The following DNAH9 variants were observed in gnomAD, a reference collection of about 807,000 sequenced individuals.
DNAH9 encodes DNAH9 variant protein.
In DNAH9, 345 loss-of-function variants were observed where a neutral mutation model predicts 471.6. That is an observed-to-expected ratio of 0.73 (90% CI 0.67 to 0.80). The LOEUF (loss-of-function observed/expected upper bound fraction) is 0.80, where lower values mean the gene tolerates loss of function less well. DNAH9 is among the 30% of genes least tolerant of loss of function. DNAH9 has a pLI of 0.00. For missense variants in DNAH9, 5,407 were observed against 5,609.2 expected (o/e 0.96, Z 1.15); for synonymous variants, 2,093 against 2,123.6 (o/e 0.99, Z 0.40).
chr17:11,769,356 G>C, intron 38 of DNAH9, 27 bp downstream of exon 38: 4 of 1,574,370 alleles, frequency 2.5e-6, no homozygotes, highest in Non-Finnish European at 3.5e-6. Flanking sequence ...ACCTGGGGTG[G>C]GGGGCATCTG....
chr17:11,658,320 A>G (rs752688634), intron 14 of DNAH9, among the ~76,000 whole-genome samples: 41 of 152,120 alleles, frequency 2.7e-4, no homozygotes, highest in African/African-American at 4.8e-5. Flanking sequence ...TCCAATTACT[A>G]TCAGGTAGTG....
intron 22 of DNAH9, among the ~76,000 whole-genome samples, chr17:11,696,804 CTG>C (rs1158679608): frequency 1.3e-5 from 2 of 152,068 alleles, no homozygotes; most frequent in African/African-American, 4.8e-5. Flanking sequence ...TGTATTATAA[CTG>C]TATTTTTATT....
chr17:11,786,085 G>GAAA (rs35183367), intron 41 of DNAH9, among the ~76,000 whole-genome samples: 7 of 150,178 alleles, frequency 4.7e-5, no homozygotes, highest in Non-Finnish European at 5.9e-5. Context: ...TTTTTCAAAT[G>GAAA]AAAAAAAAAA....
chr17:11,676,331 G>A (rs984050364), intron 17 of DNAH9, among the ~76,000 whole-genome samples: 17 of 123,784 alleles, frequency 1.4e-4, no homozygotes, highest in Non-Finnish European at 2.2e-4. Context: ...TGCCCAGGCC[G>A]CAGTGCAATG....
chr17:11,948,489 C>T (rs536993812), intron 67 of DNAH9, among the ~76,000 whole-genome samples: 1 of 152,280 alleles, frequency 6.6e-6, no homozygotes, highest in Admixed American at 6.5e-5. Flanking sequence ...CTCGGCCTCC[C>T]AACGTGCTGG....
At chr17:11,817,632 C>T (rs1970147907) in intron 45 of DNAH9, among the ~76,000 whole-genome samples, 1 of 152,162 alleles carries the variant, frequency 6.6e-6, no homozygotes, top group South Asian at 2.1e-4. Context: ...CACATAATTT[C>T]CACATTCCAT....
intron 66 of DNAH9, among the ~76,000 whole-genome samples, chr17:11,938,456 CA>C (rs11364413): frequency 0.59 from 65,942 of 111,362 alleles, 15,418 homozygotes; most frequent in East Asian, 0.66. Context: ...AGACTGTCTC[CA>C]AAAAAAAAAA....
chr17:11,836,410 C>T (rs1252492345), intron 49 of DNAH9, among the ~76,000 whole-genome samples: 1 of 152,080 alleles, frequency 6.6e-6, no homozygotes, highest in Admixed American at 6.5e-5. Context: ...CATAAGGAAA[C>T]CCTAAAAGTA....
At chr17:11,643,375 G>A (rs918260866) in intron 10 of DNAH9, among the ~76,000 whole-genome samples, 3 of 152,188 alleles carry the variant, frequency 2.0e-5, no homozygotes, top group Admixed American at 2.0e-4. Flanking sequence ...TGAAGAAGTG[G>A]TAGTGTTTCG....
chr17:11,843,113 A>G (rs1338163278), intron 49 of DNAH9, among the ~76,000 whole-genome samples: 5 of 152,234 alleles, frequency 3.3e-5, no homozygotes, highest in Admixed American at 6.5e-5. Flanking sequence ...AGGCACTGTC[A>G]TTAACGTAGA....
At chr17:11,960,310 C>T (rs1262969340) in intron 67 of DNAH9, among the ~76,000 whole-genome samples, 1 of 150,894 alleles carries the variant, frequency 6.6e-6, no homozygotes, top group Non-Finnish European at 1.5e-5. Context: ...GTGGTGGGCG[C>T]CTGTAATCCC....
At chr17:11,812,056 C>CAT (rs371646004) in intron 45 of DNAH9, among the ~76,000 whole-genome samples, 23,693 of 62,056 alleles carry the variant, frequency 0.38, 5,347 homozygotes, top group East Asian at 0.44. Flanking sequence ...TATATATATA[C>CAT]ACATACATAC....
Position 11,598,636 on chromosome 17 carries a change from C to T in DNAH9, c.138C>T (p.Cys46=), listed in dbSNP as rs2072311397. ...CGGCTGCGGGCGCCTGGGAGCGTTG[C>T]GCGGGGAGTGCTGAGGCGGAGCAGC... is the stretch of plus-strand genomic sequence containing the variant. The part of the protein sequence containing the change: ...LRPAAGAWER[C]AGSAEAEQLL... Residue 46 remains cysteine (C), a synonymous_variant, in exon 1 of 69, where the codon TGC becomes TGT. Coordinates refer to ENST00000262442, the MANE Select transcript of DNAH9 (RefSeq NM_001372.4). 3.0e-6 allele frequency: 4 copies of T among 1,343,636 alleles called. No homozygotes were observed. The South Asian group carries it at 5.5e-5, about 18-fold the overall frequency. The allele number at this position is 1,343,636 out of a possible 1,614,324, so 83.2% of individuals were successfully genotyped here.
intron 53 of DNAH9, among the ~76,000 whole-genome samples, chr17:11,875,547 G>A (rs1972441756): frequency 6.6e-6 from 1 of 152,108 alleles, no homozygotes; most frequent in Admixed American, 6.5e-5. Context: ...AGCTAAAGCT[G>A]CCTCCCTTAT....
intron 28 of DNAH9, among the ~76,000 whole-genome samples, chr17:11,728,151 T>G (rs1285697539): frequency 6.6e-6 from 1 of 152,186 alleles, no homozygotes; most frequent in Non-Finnish European, 1.5e-5. Flanking sequence ...TGGGACTCTG[T>G]TTCGTTCTCT....
At chr17:11,948,735 A>AC (rs1247638577) in intron 67 of DNAH9, among the ~76,000 whole-genome samples, 1 of 152,156 alleles carries the variant, frequency 6.6e-6, no homozygotes, top group Non-Finnish European at 1.5e-5. Flanking sequence ...AAGGAGTGGG[A>AC]CCCTTATCAC....
At chr17:11,602,256 A>G (rs1224067485) in intron 1 of DNAH9, among the ~76,000 whole-genome samples, 1 of 152,166 alleles carries the variant, frequency 6.6e-6, no homozygotes, top group Non-Finnish European at 1.5e-5. Context: ...CAGGGTTGCT[A>G]TGAAATTTAG....
At chr17:11,640,714 G>A (rs1310601077) in intron 10 of DNAH9, among the ~76,000 whole-genome samples, 1 of 152,158 alleles carries the variant, frequency 6.6e-6, no homozygotes, top group African/African-American at 2.4e-5. Context: ...TCTCCTTGCT[G>A]CTGAGGCCAC....
chr17:11,938,162 G>T (rs1474457517), intron 66 of DNAH9, among the ~76,000 whole-genome samples: 1 of 152,002 alleles, frequency 6.6e-6, no homozygotes. Flanking sequence ...ATCCTGGTGT[G>T]GGGGTAGCTG....
Sources: allele counts gnomAD v4.1 joint callset (sites outside exome capture counted in the v4.1 genomes callset), GRCh38; gene constraint gnomAD v4.1.1; transcripts MANE v1.5; gene names NCBI Gene and HGNC (gene_info 2026-07-23, HGNC 2026-07-21).